Variants in EFEMP1 observed in about 807,000 individuals in gnomAD.
EFEMP1 encodes EGF-containing fibulin-like extracellular matrix protein 1.
Under a neutral mutation model 65.7 loss-of-function variants are expected in EFEMP1, and 18 were observed. The observed-to-expected ratio is 0.27, with a 90% CI of 0.19 to 0.41. The LOEUF (loss-of-function observed/expected upper bound fraction) is 0.41, where lower values mean the gene tolerates loss of function less well. Ranked by LOEUF, EFEMP1 falls within the 10% of genes least tolerant of loss-of-function variation. The pLI is 1.00. For synonymous variants in EFEMP1, 237 were observed against 219.7 expected (o/e 1.08, Z -0.70); for missense variants, 469 against 624.8 (o/e 0.75, Z 2.66).
At position 55,867,182 on chromosome 2, in the gene EFEMP1, G is replaced by C; in HGVS notation, c.1373C>G (p.Pro458Arg). The C allele has an allele frequency of 6.2e-7, 1 of 1,613,952 alleles. No homozygotes were observed. The highest frequency in any genetic ancestry group is 8.5e-7 in the Non-Finnish European group (1 of 1,179,924). ...MLVLVKSLSG[P>R]REHIVDLEML... The stretch of plus-strand genomic sequence containing the variant: ...CTCCAGGTCCACGATATGTTCTCTT[G>C]GTCCTGATAATGACTTCACGAGCAC... Residue 458 changes from proline (P) to arginine (R), a missense_variant, in exon 12 of 12, where the codon CCA (proline) becomes CGA (arginine). Physicochemically the swap from Pro to Arg is moderately radical, Grantham distance 103. Around this residue, in one of 3 missense-constraint regions of EFEMP1, gnomAD observed 399 missense variants for 528.2 expected, o/e 0.76. Coordinates refer to ENST00000355426, the MANE Select transcript of EFEMP1 (RefSeq NM_001039348.3). The surrounding 1 kb of genome is among the most constrained non-coding windows in gnomAD (Gnocchi z 4.3).
intron 5 of EFEMP1, among the ~76,000 whole-genome samples, chr2:55,906,939 G>A (rs185649637): frequency 3.3e-5 from 5 of 152,328 alleles, no homozygotes; most frequent in Admixed American, 3.3e-4. Flanking sequence ...TCTTGCTGCA[G>A]AAGTATATGA....
chr2:55,901,609 A>G (rs2104425855), intron 5 of EFEMP1, among the ~76,000 whole-genome samples: 1 of 152,104 alleles, frequency 6.6e-6, no homozygotes, highest in African/African-American at 2.4e-5. Flanking sequence ...CTGAATTCCT[A>G]TTTTGCTTTT....
chr2:55,890,479 T>C (rs11125610), intron 5 of EFEMP1, among the ~76,000 whole-genome samples: 24,473 of 152,066 alleles, frequency 0.16, 2,126 homozygotes, highest in Middle Eastern at 0.26. Flanking sequence ...TTGACATGTA[T>C]AGAGCACAGT....
rs150138390 is a variant in EFEMP1 at position 55,906,633 on chromosome 2, G to C, written c.517+11032C>G. Among the ~76,000 whole-genome samples the C allele has an allele frequency of 7.9e-3, 1,197 of 151,938 alleles. 19 individuals are homozygous for C. The highest frequency in any genetic ancestry group is 0.053 in the South Asian group (256 of 4,792). Reference sequence around the variant, plus strand: ...GACATGAACTGTTTTAACAAAAGGTGCCCACAGCTTTTACTGCAAAGTTTA... The same window carrying C: ...GACATGAACTGTTTTAACAAAAGGTCCCCACAGCTTTTACTGCAAAGTTTA... On this transcript the variant is annotated intron_variant, in intron 5 of 11. Transcript: ENST00000355426.
chr2:55,873,149 AC>A lies in EFEMP1; in HGVS notation c.1000+1796del, dbSNP rs1459454951. Among the ~76,000 whole-genome samples the A allele has an allele frequency of 6.6e-6, 1 of 151,682 alleles. No homozygotes were observed. Among genetic ancestry groups the A allele is most frequent in the African/African-American group, 2.4e-5 (1 of 41,314 alleles). On this transcript the variant is annotated intron_variant, in intron 9 of 11. Transcript: ENST00000355426. The surrounding 1 kb of genome is among the most constrained non-coding windows in gnomAD (Gnocchi z 4.6). ...TGAAATGAGAACAGTTATTTCATCC[AC>A]AAAATAAGTCTTTTAGAGAAAGTTA...
At chr2:55,869,293 T>C (rs1053664333) in intron 11 of EFEMP1, among the ~76,000 whole-genome samples, 15 of 152,174 alleles carry the variant, frequency 9.9e-5, no homozygotes, top group African/African-American at 3.6e-4. Flanking sequence ...TTTAAAGATT[T>C]TGTTATTTAA....
chr2:55,900,371 C>T (rs899176062), intron 5 of EFEMP1, among the ~76,000 whole-genome samples: 1 of 151,570 alleles, frequency 6.6e-6, no homozygotes, highest in Non-Finnish European at 1.5e-5. Context: ...TCCCGGGATG[C>T]TCCGGGTTGG....
In EFEMP1 at chr2:55,871,846, A is replaced by C. The variant is rs1303009740; in HGVS notation, c.1001-723T>G. The stretch of plus-strand genomic sequence containing the variant: ...AGTGTTCCACCTCATAGAGCATAGC[A>C]ATTTTAGGACTGTAAGGAAAAAGAG... On this transcript the variant is annotated intron_variant, in intron 9 of 11. Transcript: ENST00000355426. This position sits in a 1 kb window ranked among gnomAD's most constrained non-coding sequence, Gnocchi z 4.2. Among the ~76,000 whole-genome samples the C allele has an allele frequency of 6.6e-6, 1 of 152,080 alleles. No individual in the cohort carries two copies. Among genetic ancestry groups the C allele is most frequent in the African/African-American group, 2.4e-5 (1 of 41,418 alleles).
intron 5 of EFEMP1, among the ~76,000 whole-genome samples, chr2:55,913,410 T>C (rs1478733861): frequency 1.3e-5 from 2 of 152,158 alleles, no homozygotes; most frequent in Admixed American, 6.5e-5. Context: ...TCGTACTGAG[T>C]TCATTTCTCG....
Position 55,870,614 on chromosome 2 carries a change from G to A in EFEMP1, c.1320+106C>T. On this transcript the variant is annotated intron_variant, in intron 11 of 11. Transcript: ENST00000355426. The surrounding 1 kb of genome is among the most constrained non-coding windows in gnomAD (Gnocchi z 5.8). ...TGCCTACACATAAGACACTTTAAAT[G>A]TTTGCTTTCCTTCCACATGTGGATA... is the stretch of plus-strand genomic sequence containing the variant. 7.1e-7 allele frequency: 1 copy of A among 1,399,544 alleles called. No individual in the cohort carries two copies. Among genetic ancestry groups the A allele is most frequent in the South Asian group, 1.2e-5 (1 of 84,940 alleles). The allele number at this position is 1,399,544 out of a possible 1,614,324, so 86.7% of individuals were successfully genotyped here. A position where few individuals can be genotyped will look rare whatever the true frequency, so the allele number is the denominator to read the frequency against.
intron 5 of EFEMP1, among the ~76,000 whole-genome samples, chr2:55,900,824 T>A (rs1303049797): frequency 6.6e-6 from 1 of 152,188 alleles, no homozygotes; most frequent in Non-Finnish European, 1.5e-5. Context: ...TAGTCATATA[T>A]CTTTCCTCTT....
intron 5 of EFEMP1, among the ~76,000 whole-genome samples, chr2:55,884,022 T>A (rs1669338604): frequency 6.6e-6 from 1 of 152,150 alleles, no homozygotes. Flanking sequence ...TGATTACACA[T>A]TTTACTTACT....
Position 55,867,139 on chromosome 2 carries a change from A to G in EFEMP1, c.1416T>C (p.Ser472=), listed in dbSNP as rs1319162117. The G allele has an allele frequency of 6.8e-6, 11 of 1,613,796 alleles. No individual in the cohort carries two copies. The Admixed American group carries it at 8.3e-5, about 12-fold the overall frequency. Residue 472 remains serine, a synonymous_variant, in exon 12 of 12, where the codon AGT becomes AGC. Transcript: ENST00000355426. The surrounding 1 kb of genome is among the most constrained non-coding windows in gnomAD (Gnocchi z 4.3). ...CAGAGCTTGTGCGGAAGGTCCCTAT[A>G]CTGCTGACTGTCAGCATCTCCAGGT... is the stretch of plus-strand genomic sequence containing the variant. The part of the protein sequence containing the change: ...IVDLEMLTVS[S]IGTFRTSSVL...
At chr2:55,896,294 C>T (rs1669828340) in intron 5 of EFEMP1, among the ~76,000 whole-genome samples, 1 of 152,190 alleles carries the variant, frequency 6.6e-6, no homozygotes. Context: ...GTAAAATTTC[C>T]TTGCAACTTC....
At position 55,921,933 on chromosome 2, in the gene EFEMP1, AAAG is replaced by A; in HGVS notation, c.81+424_81+426del. ...ACTTGAGAATGCATGTCATGTACAC[AAAG>A]AAGGCCATGTGTCTTTATGGTGTTT... On this transcript the variant is annotated intron_variant, in intron 3 of 11. Coordinates refer to ENST00000355426, the MANE Select transcript of EFEMP1 (RefSeq NM_001039348.3). The surrounding 1 kb of genome is among the most constrained non-coding windows in gnomAD (Gnocchi z 4.1). 9.0e-6 allele frequency: 2 copies of A among 221,090 alleles called. No homozygotes were observed. Among genetic ancestry groups the A allele is most frequent in the South Asian group, 1.4e-4 (2 of 14,464 alleles). The allele number at this position is 221,090 out of a possible 1,614,324, so 13.7% of individuals were successfully genotyped here.
intron 5 of EFEMP1, among the ~76,000 whole-genome samples, chr2:55,904,169 TGTGGTGGTGGTAG>T (rs1670151200): frequency 6.6e-6 from 1 of 152,124 alleles, no homozygotes; most frequent in Non-Finnish European, 1.5e-5. Flanking sequence ...TTGAGTGCTG[TGTGGTGGTGGTAG>T]GTGGTGCTAG....
intron 6 of EFEMP1, among the ~76,000 whole-genome samples, chr2:55,880,556 C>G (rs1396100507): frequency 6.6e-6 from 1 of 152,212 alleles, no homozygotes; most frequent in Non-Finnish European, 1.5e-5. Context: ...CAGAACTGGG[C>G]TGGGGCCCAC....
chr2:55,898,220 C>A (rs923823470), intron 5 of EFEMP1, among the ~76,000 whole-genome samples: 7 of 152,066 alleles, frequency 4.6e-5, no homozygotes, highest in Non-Finnish European at 8.8e-5. Flanking sequence ...TGAAATTACA[C>A]CATCTTGTTA....
At chr2:55,904,481 C>T (rs12613896) in intron 5 of EFEMP1, among the ~76,000 whole-genome samples, 99,372 of 152,114 alleles carry the variant, frequency 0.65, 34,308 homozygotes, top group East Asian at 0.9. Flanking sequence ...CCAGAATAGA[C>T]AGCATTTGAA....
Sources: gnomAD v4.1 joint callset for allele counts (sites outside exome capture counted in the v4.1 genomes callset) on GRCh38, gnomAD v4.1.1 for gene constraint, gnomAD v4.1.1 regional missense constraint, Gnocchi (gnomAD v3.1) non-coding constraint, MANE v1.5 for transcripts, NCBI Gene and HGNC (gene_info 2026-07-23, HGNC 2026-07-21) for gene names.